SCAF8: variants seen among roughly 807,000 people sequenced by gnomAD.
SCAF8 encodes SR-related CTD associated factor 8.
A neutral mutation model predicts 140.5 loss-of-function variants in SCAF8; 23 were observed. The ratio of observed to expected loss-of-function variants is 0.16; its 90% CI spans 0.12 to 0.23. SCAF8 has a LOEUF of 0.23. Among genes scored for constraint, SCAF8 ranks in the 10% least tolerant of loss-of-function variants. The probability of loss-of-function intolerance (pLI) is 1.00; values close to 1 mark genes in which losing one functional copy is unlikely to be tolerated. For synonymous variants in SCAF8, 575 were observed against 528.9 expected, an observed-to-expected ratio of 1.09 and a Z score of -1.20; for missense variants, 1,397 against 1,555.7, an observed-to-expected ratio of 0.90 and a Z score of 1.72.
chr6:154,814,685 AT>A (rs1481970775), intron 12 of SCAF8, among the ~76,000 whole-genome samples: 1 of 151,634 alleles, frequency 6.6e-6, no homozygotes, highest in Non-Finnish European at 1.5e-5. Flanking sequence ...AATATAACAT[AT>A]GAAAATTCTG....
intron 1 of SCAF8, among the ~76,000 whole-genome samples, chr6:154,742,518 T>C (rs1282103768): frequency 6.6e-6 from 1 of 152,218 alleles, no homozygotes; most frequent in Non-Finnish European, 1.5e-5. Context: ...GAGAAATGTT[T>C]CTATAGTTTG....
rs763152798 is a variant in SCAF8 at position 154,827,218 on chromosome 6, G to A, written c.2118G>A (p.Thr706=). The A allele has an allele frequency of 1.8e-5, 29 of 1,603,200 alleles. No homozygotes were observed. The highest frequency in any genetic ancestry group is 2.3e-5 in the Non-Finnish European group (27 of 1,175,574). Residue 706 remains threonine (T), a synonymous_variant, in exon 18 of 20, where the codon ACG becomes ACA. Coordinates refer to ENST00000367178, the MANE Select transcript of SCAF8 (RefSeq NM_014892.5). ...CCCCACCTGTTGTGCCACCCCCTAC[G>A]ATTCCACCAGTAGTACCAACATGTA... ...PVPPPVVPPP[T]IPPVVPTSLV...
chr6:154,786,750 G>A (rs1583033963), intron 3 of SCAF8, among the ~76,000 whole-genome samples: 1 of 152,208 alleles, frequency 6.6e-6, no homozygotes, highest in Non-Finnish European at 1.5e-5. Flanking sequence ...TTCTTGTTTT[G>A]AGTCTAATGG....
chr6:154,824,487 A>G (rs1583069151), intron 17 of SCAF8, 109 bp downstream of exon 17: 4 of 996,172 alleles, frequency 4.0e-6, no homozygotes, highest in Non-Finnish European at 6.0e-6. Context: ...CTTAGCATGC[A>G]TAGCCTTGTT....
chr6:154,784,339 C>T (rs1777188251), intron 3 of SCAF8, among the ~76,000 whole-genome samples: 1 of 151,572 alleles, frequency 6.6e-6, no homozygotes, highest in East Asian at 1.9e-4. Flanking sequence ...TTCCTCTTCC[C>T]TAGGATATTT....
At position 154,780,413 on chromosome 6, in the gene SCAF8, T is replaced by G. The variant is rs541669863; in HGVS notation, c.159+2368T>G. On this transcript the variant is annotated intron_variant, in intron 3 of 19. Coordinates refer to ENST00000367178, the MANE Select transcript of SCAF8 (RefSeq NM_014892.5). The stretch of plus-strand genomic sequence containing the variant: ...TATACAAGTGCAAAACACATAGGTT[T>G]GTTACATAGGTATACCTGTGCCATG... 2.3e-3 allele frequency among the ~76,000 whole-genome samples: 345 copies of G among 151,986 alleles called. 1 individual carries two copies. The highest frequency in any genetic ancestry group is 7.4e-3 in the African/African-American group (307 of 41,404).
chr6:154,831,162 TAAAA>T, intron 19 of SCAF8, 22 bp downstream of exon 19: 1 of 1,426,184 alleles, frequency 7.0e-7, no homozygotes, highest in South Asian at 1.3e-5. Context: ...TAATAAAATT[TAAAA>T]AAAGAGGTTG....
At chr6:154,807,118 A>G (rs1777940076) in intron 9 of SCAF8, among the ~76,000 whole-genome samples, 1 of 152,174 alleles carries the variant, frequency 6.6e-6, no homozygotes, top group South Asian at 2.1e-4. Flanking sequence ...TTATGTTTTT[A>G]ATGGTCTCTC....
intron 4 of SCAF8, among the ~76,000 whole-genome samples, chr6:154,788,866 G>A (rs1283658463): frequency 4.6e-5 from 7 of 152,088 alleles, no homozygotes; most frequent in African/African-American, 1.7e-4. Context: ...ATTTATTTTG[G>A]ATGTTGGAAA....
chr6:154,773,975 TC>T lies in SCAF8; in HGVS notation c.31-13del. 1 of 1,577,794 alleles carries T rather than the reference TC, an allele frequency of 6.3e-7. No homozygotes were observed. Among genetic ancestry groups the T allele is most frequent in the Non-Finnish European group, 8.7e-7 (1 of 1,152,088 alleles). Reference sequence around the variant, plus strand: ...AGAGTTTTGCTGTATGTAAATTTGTTCTTTTTTCATCAGTTGTATTCCCTGA... The same window carrying T: ...AGAGTTTTGCTGTATGTAAATTTGTTTTTTTTCATCAGTTGTATTCCCTGA... On this transcript the variant is annotated splice_polypyrimidine_tract_variant and intron_variant, in intron 1 of 19. Coordinates refer to ENST00000367178, the MANE Select transcript of SCAF8 (RefSeq NM_014892.5).
intron 6 of SCAF8, 68 bp downstream of exon 6, chr6:154,795,207 A>G (rs1777566077): frequency 1.5e-6 from 2 of 1,333,828 alleles, no homozygotes; most frequent in Non-Finnish European, 2.0e-6. Flanking sequence ...ATTACTTTGT[A>G]ACATACCACC....
At chr6:154,799,167 G>A (rs555974212) in intron 6 of SCAF8, among the ~76,000 whole-genome samples, 52 of 150,710 alleles carry the variant, frequency 3.5e-4, no homozygotes, top group African/African-American at 1.1e-3. Context: ...TAGTAGATAC[G>A]GGGTTTCACC....
intron 1 of SCAF8, among the ~76,000 whole-genome samples, chr6:154,742,853 G>T (rs560006903): frequency 6.6e-6 from 1 of 152,254 alleles, no homozygotes; most frequent in South Asian, 2.1e-4. Context: ...AACTTAATGT[G>T]ATTTATATAG....
At chr6:154,806,051 T>C (rs753100729) in intron 9 of SCAF8, among the ~76,000 whole-genome samples, 7 of 152,300 alleles carry the variant, frequency 4.6e-5, no homozygotes, top group African/African-American at 7.2e-5. Context: ...TTGGTGAGAT[T>C]AAACATCTCA....
Position 154,822,265 on chromosome 6 carries a change from A to G in SCAF8, c.1793-11A>G, listed in dbSNP as rs185253545. ...TATCCAAAGGAAATCAATTTCAACT[A>G]TTTTGTTTAGAGTGGGAAACTGTGA... On this transcript the variant is annotated splice_polypyrimidine_tract_variant and intron_variant, in intron 15 of 19. Coordinates refer to ENST00000367178, the MANE Select transcript of SCAF8 (RefSeq NM_014892.5). The G allele has an allele frequency of 3.8e-4, 607 of 1,593,392 alleles. No individual in the cohort carries two copies. The highest frequency in any genetic ancestry group is 5.0e-4 in the Non-Finnish European group (584 of 1,172,790).
intron 1 of SCAF8, among the ~76,000 whole-genome samples, chr6:154,738,940 A>G (rs1778498249): frequency 6.6e-6 from 1 of 152,148 alleles, no homozygotes; most frequent in Non-Finnish European, 1.5e-5. Flanking sequence ...GTGGCAGTGC[A>G]TGACCCATTC....
intron 1 of SCAF8, among the ~76,000 whole-genome samples, chr6:154,769,300 C>T (rs140434455): frequency 4.6e-5 from 7 of 152,144 alleles, no homozygotes; most frequent in Non-Finnish European, 7.4e-5. Flanking sequence ...TTTTTTGCTC[C>T]GTCCCATCTT....
At chr6:154,760,027 C>T (rs1284661938) in intron 1 of SCAF8, among the ~76,000 whole-genome samples, 2 of 152,108 alleles carry the variant, frequency 1.3e-5, no homozygotes, top group Non-Finnish European at 2.9e-5. Context: ...CATAGTAGCT[C>T]ACGCCTGTAA....
intron 3 of SCAF8, among the ~76,000 whole-genome samples, chr6:154,784,120 G>GATAGATAGATATAT (rs1554260629): frequency 9.4e-6 from 1 of 106,832 alleles, no homozygotes; most frequent in African/African-American, 3.2e-5. Flanking sequence ...GGTGTCTTGA[G>GATAGATAGATATAT]ATATATATAT....
Sources: allele counts gnomAD v4.1 joint callset (sites outside exome capture counted in the v4.1 genomes callset), GRCh38; gene constraint gnomAD v4.1.1; transcripts MANE v1.5; gene names NCBI Gene and HGNC (gene_info 2026-07-23, HGNC 2026-07-21).